H3-3B: variants seen among roughly 807,000 people sequenced by gnomAD.
The protein encoded by H3-3B is H3.3 histone B.
A neutral mutation model predicts 13.1 loss-of-function variants in H3-3B; 2 were observed. That is an observed-to-expected ratio of 0.15 (90% CI 0.06 to 0.48). H3-3B has a LOEUF of 0.48. Ranked by LOEUF, H3-3B falls within the 20% of genes least tolerant of loss-of-function variation. The pLI is 0.97. For missense variants in H3-3B, 39 were observed against 186.0 expected (o/e 0.21, Z 4.60); for synonymous variants, 133 against 75.8 (o/e 1.76, Z -3.92).
At position 75,777,585 on chromosome 17, in the gene H3-3B, G is replaced by A. The variant is rs1378093984; in HGVS notation, c.*1010C>T. 1 of 152,566 alleles carries A rather than the reference G, an allele frequency of 6.6e-6. No homozygotes were observed. Among genetic ancestry groups the A allele is most frequent in the African/African-American group, 2.4e-5 (1 of 41,450 alleles). 9.5% of individuals were successfully genotyped at this position (152,566 alleles called of 1,614,324 possible). A position where few individuals can be genotyped will look rare whatever the true frequency, so the allele number is the denominator to read the frequency against. On this transcript the variant is annotated 3_prime_UTR_variant, in exon 4 of 4. Coordinates refer to ENST00000254810, the MANE Select transcript of H3-3B (RefSeq NM_005324.5). ...GATTTTCCCAGGACAGTAACCAGAT[G>A]TAACCTAACCCAACACCATCTTAAT...
At position 75,776,831 on chromosome 17, in the gene H3-3B, T is replaced by C. The variant is rs2061639799; in HGVS notation, c.*1764A>G. ...AGCACGTTCCAACATCTGATCTTAA[T>C]CTCATTCTGAAGCACAGTGAGGAAT... On this transcript the variant is annotated 3_prime_UTR_variant, in exon 4 of 4. Coordinates refer to ENST00000254810, the MANE Select transcript of H3-3B (RefSeq NM_005324.5). 8 of 152,302 alleles carry C rather than the reference T, an allele frequency of 5.3e-5. No individual in the cohort carries two copies. In the South Asian group the frequency reaches 1.7e-3, roughly 32 times the overall value. The allele number at this position is 152,302 out of a possible 1,614,324, so 9.4% of individuals were successfully genotyped here.
At chr17:75,779,270 C>T in intron 1 of H3-3B, 86 bp from the exon 2 acceptor site, 1 of 1,279,644 alleles carries the variant, frequency 7.8e-7, no homozygotes, top group Non-Finnish European at 1.0e-6. Flanking sequence ...ATCCTGGCCC[C>T]ACCGCCGGGC....
At position 75,778,986 on chromosome 17, in the gene H3-3B, G is replaced by A. The variant is rs951912780; in HGVS notation, c.129-23C>T. On this transcript the variant is annotated intron_variant, in intron 2 of 3. Transcript: ENST00000254810. ...GGCCTGCAGCGAGCAGGGGAGGAGT[G>A]AGCGGACGCTGCCGCACAAAGCCGG... is the stretch of plus-strand genomic sequence containing the variant. 8.1e-6 allele frequency: 13 copies of A among 1,613,692 alleles called. 1 individual carries two copies. The South Asian group carries it at 1.2e-4, about 15-fold the overall frequency.
Position 75,778,039 on chromosome 17 carries a change from A to C in H3-3B, c.*556T>G, listed in dbSNP as rs759530137. The stretch of plus-strand genomic sequence containing the variant: ...CACCACTTGTGAATGTAAAACATTT[A>C]ATTTAAAAATGTTGATACTACAATA... On this transcript the variant is annotated 3_prime_UTR_variant, in exon 4 of 4. Coordinates refer to ENST00000254810, the MANE Select transcript of H3-3B (RefSeq NM_005324.5). 1 of 152,760 alleles carries C rather than the reference A, an allele frequency of 6.5e-6. No homozygotes were observed. Among genetic ancestry groups the C allele is most frequent in the Non-Finnish European group, 1.5e-5 (1 of 68,106 alleles). The allele number at this position is 152,760 out of a possible 1,614,324, so 9.5% of individuals were successfully genotyped here.
At chr17:75,779,226 G>T (rs749225014) in intron 1 of H3-3B, 42 bp from the exon 2 acceptor site, 1 of 1,446,354 alleles carries the variant, frequency 6.9e-7, no homozygotes, top group Non-Finnish European at 9.1e-7. Context: ...GCGCTCACCC[G>T]GGCCGCCCCC....
chr17:75,778,658 CTT>C lies in H3-3B; in HGVS notation c.346_347del (p.Lys116GlufsTer31). 1 of 1,614,240 alleles carries C rather than the reference CTT, an allele frequency of 6.2e-7. No individual in the cohort carries two copies. The highest frequency in any genetic ancestry group is 8.5e-7 in the Non-Finnish European group (1 of 1,180,044). On this transcript the variant is annotated frameshift_variant, in exon 4 of 4. Coordinates refer to ENST00000254810, the MANE Select transcript of H3-3B (RefSeq NM_005324.5). LOFTEE classifies it high-confidence loss of function. ...EDTNLCAIHA[K>X]RVTIMPKDIQ... Reference sequence around the variant, plus strand: ...TGTCTTTGGGCATGATGGTGACTCTCTTAGCGTGGATGGCACACAGGTTGGTA... The same window carrying C: ...TGTCTTTGGGCATGATGGTGACTCTCAGCGTGGATGGCACACAGGTTGGTA...
chr17:75,779,107 G>A lies in H3-3B; in HGVS notation c.68C>T (p.Thr23Met). The change falls in exon 2 of 4, where the codon ACG (threonine) becomes ATG (methionine). Residue 23 changes from threonine (T) to methionine (M), a missense_variant. Thr to Met is a moderately conservative substitution (Grantham distance 81, BLOSUM62 -1). Transcript: ENST00000254810. ...GGKAPRKQLA[T>M]KAARKSAPST... ...GGGAGCGCTTTTCCTGGCGGCTTTCGTGGCCAGCTGTTTGCGGGGGGCTTT... is the reference window on the plus strand; with the variant it reads ...GGGAGCGCTTTTCCTGGCGGCTTTCATGGCCAGCTGTTTGCGGGGGGCTTT... The A allele has an allele frequency of 6.2e-7, 1 of 1,606,764 alleles. No individual in the cohort carries two copies. The highest frequency in any genetic ancestry group is 8.5e-7 in the Non-Finnish European group (1 of 1,177,190).
rs780367196 is a variant in H3-3B at position 75,778,918 on chromosome 17, C to T, written c.174G>A (p.Ser58=). The T allele has an allele frequency of 3.2e-5, 52 of 1,614,030 alleles. No individual in the cohort carries two copies. The highest frequency in any genetic ancestry group is 4.3e-5 in the Non-Finnish European group (51 of 1,180,030). The change falls in exon 3 of 4, where the codon TCG becomes TCA. Residue 58 remains serine (S), a synonymous_variant. Transcript: ENST00000254810. ...GCAGCTTCCGGATGAGCAGCTCGGT[C>T]GACTTCTGATAACGACGAATCTCTC... The part of the protein sequence containing the change: ...ALREIRRYQK[S]TELLIRKLPF...
rs12882 is a variant in H3-3B, at chr17:75,779,744, G to A, written c.-98C>T. On this transcript the variant is annotated 5_prime_UTR_variant, in exon 1 of 4. Transcript: ENST00000254810. The stretch of plus-strand genomic sequence containing the variant: ...GCCGCAGTCGACGAGCGAAAAACCA[G>A]CACCGCCCAACGAACGACCAAACCG... 13,939 of 153,982 alleles carry A rather than the reference G, an allele frequency of 0.091. 853 individuals are homozygous for A. Among genetic ancestry groups the A allele is most frequent in the Non-Finnish European group, 0.13 (8,945 of 68,070 alleles). 9.5% of individuals were successfully genotyped at this position (153,982 alleles called of 1,614,324 possible). A position where few individuals can be genotyped will look rare whatever the true frequency, so the allele number is the denominator to read the frequency against.
chr17:75,779,073 G>A lies in H3-3B; in HGVS notation c.102C>T (p.Gly34=), dbSNP rs147330413. 23 of 1,605,968 alleles carry A rather than the reference G, an allele frequency of 1.4e-5. No homozygotes were observed. Among genetic ancestry groups the A allele is most frequent in the Admixed American group, 3.5e-5 (2 of 57,616 alleles). Residue 34 remains glycine, a synonymous_variant, in exon 2 of 4, where the codon GGC becomes GGT. Transcript: ENST00000254810. Reference sequence around the variant, plus strand: ...TGTAGCGATGAGGCTTCTTCACCCCGCCGGTAGAGGGAGCGCTTTTCCTGG... The same window carrying A: ...TGTAGCGATGAGGCTTCTTCACCCCACCGGTAGAGGGAGCGCTTTTCCTGG... ...KAARKSAPST[G]GVKKPHRYRP... is the part of the protein sequence containing the mutation.
intron 1 of H3-3B, 130 bp downstream of exon 1, chr17:75,779,527 C>T (rs1298298965): frequency 1.7e-5 from 3 of 175,154 alleles, no homozygotes; most frequent in African/African-American, 4.7e-5. Context: ...AAGGGGAAAC[C>T]TCCCGGCCCC....
rs1262343353 is a variant in H3-3B, at chr17:75,778,234, T to C, written c.*361A>G. The C allele has an allele frequency of 5.3e-6, 1 of 189,272 alleles. No individual in the cohort carries two copies. The highest frequency in any genetic ancestry group is 1.1e-5 in the Non-Finnish European group (1 of 89,864). 11.7% of individuals were successfully genotyped at this position (189,272 alleles called of 1,614,324 possible). Reference sequence around the variant, plus strand: ...GTATGGTCAGACTTAACAGCCCCAATTGTTAAACACTTGGATCAAGTCATA... The same window carrying C: ...GTATGGTCAGACTTAACAGCCCCAACTGTTAAACACTTGGATCAAGTCATA... On this transcript the variant is annotated 3_prime_UTR_variant, in exon 4 of 4. Coordinates refer to ENST00000254810, the MANE Select transcript of H3-3B (RefSeq NM_005324.5).
In H3-3B at chr17:75,778,211, AT is replaced by A. The variant is rs1180437823; in HGVS notation, c.*383del. On this transcript the variant is annotated 3_prime_UTR_variant, in exon 4 of 4. Coordinates refer to ENST00000254810, the MANE Select transcript of H3-3B (RefSeq NM_005324.5). ...AGCCCACATTCTATCACAGTGATGTATGGTCAGACTTAACAGCCCCAATTGT... is the reference window on the plus strand; with the variant it reads ...AGCCCACATTCTATCACAGTGATGTAGGTCAGACTTAACAGCCCCAATTGT... The A allele has an allele frequency of 5.8e-6, 1 of 170,952 alleles. No individual in the cohort carries two copies. The highest frequency in any genetic ancestry group is 1.3e-5 in the Non-Finnish European group (1 of 79,016). 10.6% of individuals were successfully genotyped at this position (170,952 alleles called of 1,614,324 possible).
In H3-3B at chr17:75,778,118, CTT is replaced by C. The variant is rs535901088; in HGVS notation, c.*475_*476del. Reference sequence around the variant, plus strand: ...GTGTATTCTATAGCTGCCAGGTTTACTTTTTTTTTTTTTAAAGGAAACTGTAA... The same window carrying C: ...GTGTATTCTATAGCTGCCAGGTTTACTTTTTTTTTTTAAAGGAAACTGTAA... On this transcript the variant is annotated 3_prime_UTR_variant, in exon 4 of 4. Transcript: ENST00000254810. The C allele has an allele frequency of 2.7e-5, 4 of 146,140 alleles. No homozygotes were observed. Among genetic ancestry groups the C allele is most frequent in the African/African-American group, 5.0e-5 (2 of 39,772 alleles). 9.1% of individuals were successfully genotyped at this position (146,140 alleles called of 1,614,324 possible). A position where few individuals can be genotyped will look rare whatever the true frequency, so the allele number is the denominator to read the frequency against.
In H3-3B at chr17:75,778,549, G is replaced by T. The variant is rs772814402; in HGVS notation, c.*46C>A. ...AAAAAAAGTCACAAATTAAACCAAA[G>T]TATTTTACAGAATTTACTACAAAAC... On this transcript the variant is annotated 3_prime_UTR_variant, in exon 4 of 4. Coordinates refer to ENST00000254810, the MANE Select transcript of H3-3B (RefSeq NM_005324.5). The T allele has an allele frequency of 2.5e-6, 4 of 1,581,140 alleles. No homozygotes were observed. The Admixed American group carries it at 5.6e-5, about 22-fold the overall frequency.
intron 1 of H3-3B, 89 bp downstream of exon 1, chr17:75,779,546 CCCGACGCCAGCGGCCCGAGCAG>C (rs1394837771): frequency 1.8e-5 from 3 of 162,576 alleles, no homozygotes; most frequent in African/African-American, 7.2e-5. Flanking sequence ...CCATACCCGA[CCCGACGCCAGCGGCCCGAGCAG>C]CCCCCGCCGC....
In H3-3B at chr17:75,777,797, G is replaced by A. The variant is rs538985013; in HGVS notation, c.*798C>T. The A allele has an allele frequency of 4.6e-5, 7 of 152,688 alleles. No homozygotes were observed. The highest frequency in any genetic ancestry group is 1.2e-4 in the African/African-American group (5 of 41,578). 9.5% of individuals were successfully genotyped at this position (152,688 alleles called of 1,614,324 possible). A position where few individuals can be genotyped will look rare whatever the true frequency, so the allele number is the denominator to read the frequency against. ...CTAACTAGTTCAGAATGTTAGTTAA[G>A]ATGATGCTGGTGTGAATAACTCGTT... On this transcript the variant is annotated 3_prime_UTR_variant, in exon 4 of 4. Coordinates refer to ENST00000254810, the MANE Select transcript of H3-3B (RefSeq NM_005324.5).
chr17:75,779,403 G>GAGGAGT (rs2061655162), intron 1 of H3-3B: 1 of 396,412 alleles, frequency 2.5e-6, no homozygotes, highest in African/African-American at 2.1e-5. Context: ...GGAGCGCGGG[G>GAGGAGT]AGGAGTCACT....
Position 75,777,604 on chromosome 17 carries a change from T to C in H3-3B, c.*991A>G, listed in dbSNP as rs771594844. ...CCAGATGTAACCTAACCCAACACCA[T>C]CTTAATTGGCAGAGGTTCAGTGGGC... is the stretch of plus-strand genomic sequence containing the variant. On this transcript the variant is annotated 3_prime_UTR_variant, in exon 4 of 4. Transcript: ENST00000254810. 1.3e-5 allele frequency: 2 copies of C among 152,516 alleles called. No individual in the cohort carries two copies. Among genetic ancestry groups the C allele is most frequent in the Admixed American group, 6.5e-5 (1 of 15,278 alleles). The allele number at this position is 152,516 out of a possible 1,614,324, so 9.4% of individuals were successfully genotyped here. A position where few individuals can be genotyped will look rare whatever the true frequency, so the allele number is the denominator to read the frequency against.
Sources: allele counts gnomAD v4.1 joint callset, GRCh38; gene constraint gnomAD v4.1.1; transcripts MANE v1.5; gene names NCBI Gene and HGNC (gene_info 2026-07-23, HGNC 2026-07-21).